Variants in SLC9B1 observed in about 807,000 individuals in gnomAD.
The protein encoded by SLC9B1 is solute carrier family 9 member B1.
In SLC9B1, 32 loss-of-function variants were observed where a neutral mutation model predicts 51.7. That is an observed-to-expected ratio of 0.62 (90% CI 0.47 to 0.83). SLC9B1 has a LOEUF of 0.83. Among genes scored for constraint, SLC9B1 ranks in the 40% least tolerant of loss-of-function variants. The pLI, the probability that SLC9B1 is intolerant of heterozygous loss-of-function variation, is 0.00. For synonymous variants in SLC9B1, 145 were observed against 212.7 expected (o/e 0.68, Z 2.77); for missense variants, 406 against 613.2 (o/e 0.66, Z 3.57).
chr4:102,889,478 C>T (rs1287146559), intron 11 of SLC9B1: 1 of 152,200 alleles, frequency 6.6e-6, no homozygotes, highest in Non-Finnish European at 1.5e-5. Flanking sequence ...GTTCCCATAA[C>T]TTAGATTTTA....
chr4:102,937,389 C>T (rs1736770742), intron 6 of SLC9B1, among the ~76,000 whole-genome samples: 1 of 141,354 alleles, frequency 7.1e-6, no homozygotes, highest in Non-Finnish European at 1.5e-5. Flanking sequence ...GTATGAGCCA[C>T]CATGCCTGGC....
intron 6 of SLC9B1, among the ~76,000 whole-genome samples, chr4:102,940,361 G>A (rs1736929539): frequency 6.6e-6 from 1 of 151,954 alleles, no homozygotes; most frequent in Non-Finnish European, 1.5e-5. Context: ...AGAGACAACA[G>A]AAACAAAAGG....
At chr4:103,015,785 C>T (rs947399274) in intron 1 of SLC9B1, among the ~76,000 whole-genome samples, 2 of 152,080 alleles carry the variant, frequency 1.3e-5, no homozygotes, top group African/African-American at 2.4e-5. Context: ...TGAATCTACC[C>T]ATCTATCTGC....
At chr4:102,905,249 G>C (rs1734982485) in intron 11 of SLC9B1, among the ~76,000 whole-genome samples, 1 of 62,310 alleles carries the variant, frequency 1.6e-5, no homozygotes, top group Non-Finnish European at 3.2e-5. Context: ...TTGAGATGGA[G>C]TCACTCTGTC....
intron 7 of SLC9B1, among the ~76,000 whole-genome samples, chr4:102,916,917 G>C (rs1735601949): frequency 6.6e-6 from 1 of 152,354 alleles, no homozygotes; most frequent in African/African-American, 2.4e-5. Flanking sequence ...GGGTATATCT[G>C]TGAGGGTGCT....
intron 7 of SLC9B1, among the ~76,000 whole-genome samples, chr4:102,919,241 T>C (rs1015992616): frequency 1.3e-5 from 2 of 152,210 alleles, no homozygotes; most frequent in Non-Finnish European, 2.9e-5. Context: ...CCCCAGAAAA[T>C]GGGCTTTTCT....
intron 3 of SLC9B1, chr4:102,961,826 A>G (rs1367635680): frequency 5.5e-6 from 1 of 181,734 alleles, no homozygotes; most frequent in African/African-American, 2.4e-5. Context: ...ACCCATCTAC[A>G]ATATATCTTA....
At chr4:102,959,233 T>C (rs1578381166) in intron 3 of SLC9B1, among the ~76,000 whole-genome samples, 2 of 109,768 alleles carry the variant, frequency 1.8e-5, no homozygotes, top group African/African-American at 8.1e-5. Flanking sequence ...TACATATATA[T>C]ATACACACAC....
intron 3 of SLC9B1, among the ~76,000 whole-genome samples, chr4:102,957,196 G>C (rs1737854509): frequency 6.6e-6 from 1 of 152,140 alleles, no homozygotes; most frequent in Non-Finnish European, 1.5e-5. Flanking sequence ...ACCATCAAGA[G>C]CACTAACATA....
At chr4:102,917,811 T>C (rs1735659070) in intron 7 of SLC9B1, among the ~76,000 whole-genome samples, 1 of 152,108 alleles carries the variant, frequency 6.6e-6, no homozygotes, top group Admixed American at 6.5e-5. Context: ...GGCTCACGAC[T>C]GTAATCCCAG....
chr4:102,992,122 A>G (rs1239183478), intron 1 of SLC9B1, among the ~76,000 whole-genome samples: 1 of 152,166 alleles, frequency 6.6e-6, no homozygotes, highest in African/African-American at 2.4e-5. Flanking sequence ...AATATGACCA[A>G]CTACATTAAT....
intron 3 of SLC9B1, among the ~76,000 whole-genome samples, chr4:102,975,253 T>C (rs2110503560): frequency 6.6e-6 from 1 of 152,216 alleles, no homozygotes; most frequent in South Asian, 2.1e-4. Context: ...AAATGATTCT[T>C]CCACCTTGGT....
chr4:103,008,627 C>CCAGCCT (rs1740921129), intron 1 of SLC9B1, among the ~76,000 whole-genome samples: 1 of 152,096 alleles, frequency 6.6e-6, no homozygotes, highest in South Asian at 2.1e-4. Context: ...AAGTGGTCCG[C>CCAGCCT]CAGCCTCAGC....
intron 6 of SLC9B1, among the ~76,000 whole-genome samples, chr4:102,941,700 T>C (rs1366292079): frequency 2.2e-5 from 3 of 137,464 alleles, no homozygotes; most frequent in Non-Finnish European, 3.1e-5. Flanking sequence ...ACAGCCAGCA[T>C]TATACTGAAT....
At chr4:103,017,845 G>C (rs975660825) in intron 1 of SLC9B1, among the ~76,000 whole-genome samples, 1 of 152,182 alleles carries the variant, frequency 6.6e-6, no homozygotes, top group Admixed American at 6.5e-5. Flanking sequence ...TATTCACAAT[G>C]CCTAAAACAA....
At chr4:102,929,801 C>T (rs977404049) in intron 7 of SLC9B1, among the ~76,000 whole-genome samples, 5 of 152,188 alleles carry the variant, frequency 3.3e-5, no homozygotes, top group African/African-American at 4.8e-5. Flanking sequence ...GGATTATAGG[C>T]GTGAGCCATT....
chr4:102,902,356 C>A (rs1350010590), intron 11 of SLC9B1, among the ~76,000 whole-genome samples: 6 of 152,044 alleles, frequency 3.9e-5, no homozygotes, highest in African/African-American at 1.5e-4. Flanking sequence ...TTTCTATATC[C>A]TAAATCAATA....
intron 6 of SLC9B1, among the ~76,000 whole-genome samples, chr4:102,935,406 T>G (rs1736671345): frequency 6.6e-6 from 1 of 152,184 alleles, no homozygotes; most frequent in Non-Finnish European, 1.5e-5. Flanking sequence ...TAGGGCAAAT[T>G]AAAGTGGCCA....
At chr4:103,011,627 C>T (rs2219949) in intron 1 of SLC9B1, among the ~76,000 whole-genome samples, 9 of 152,298 alleles carry the variant, frequency 5.9e-5, no homozygotes, top group African/African-American at 2.2e-4. Flanking sequence ...TCTCTGTGAC[C>T]TCCTTTGAAA....
Sources: allele counts gnomAD v4.1 joint callset (sites outside exome capture counted in the v4.1 genomes callset), GRCh38; gene constraint gnomAD v4.1.1; transcripts MANE v1.5; gene names NCBI Gene and HGNC (gene_info 2026-07-23, HGNC 2026-07-21).